CSPP1: variants seen among roughly 807,000 people sequenced by gnomAD.
CSPP1 encodes the protein centrosome and spindle pole-associated protein 1.
CSPP1 carries 126 observed loss-of-function variants against 164.4 expected under a neutral mutation model. That is an observed-to-expected ratio of 0.77 (90% CI 0.66 to 0.89). The LOEUF (loss-of-function observed/expected upper bound fraction) is 0.89. Ranked by LOEUF, CSPP1 falls within the 40% of genes least tolerant of loss-of-function variation. The pLI is 0.00. For synonymous variants in CSPP1, 472 were observed against 476.7 expected (o/e 0.99, Z 0.13); for missense variants, 1,395 against 1,449.8 (o/e 0.96, Z 0.61).
intron 3 of CSPP1, among the ~76,000 whole-genome samples, chr8:67,077,486 C>T (rs150588836): frequency 1.3e-5 from 2 of 152,218 alleles, no homozygotes; most frequent in South Asian, 4.1e-4. Context: ...CAGGCGCATG[C>T]CACCACACTC....
chr8:67,190,039 G>C (rs1835785620), intron 28 of CSPP1, among the ~76,000 whole-genome samples: 1 of 152,152 alleles, frequency 6.6e-6, no homozygotes, highest in African/African-American at 2.4e-5. Context: ...AAAATGCAGA[G>C]TAGAGTTAAC....
At chr8:67,161,203 T>G (rs1444754967) in intron 21 of CSPP1, among the ~76,000 whole-genome samples, 1 of 152,266 alleles carries the variant, frequency 6.6e-6, no homozygotes, top group Non-Finnish European at 1.5e-5. Flanking sequence ...GACTTTTTTG[T>G]GTTTTTCTTC....
At chr8:67,106,685 C>T (rs1468509727) in intron 9 of CSPP1, among the ~76,000 whole-genome samples, 1 of 152,042 alleles carries the variant, frequency 6.6e-6, no homozygotes, top group East Asian at 1.9e-4. Context: ...AGACTTGTTT[C>T]TGGTTTATAC....
intron 28 of CSPP1, among the ~76,000 whole-genome samples, chr8:67,190,306 G>C (rs182128625): frequency 5.3e-5 from 8 of 152,320 alleles, no homozygotes. Flanking sequence ...TTATTGCTAA[G>C]TGAAAAGACA....
In CSPP1 at chr8:67,112,065, G is replaced by C. The variant is rs760205035; in HGVS notation, c.1187G>C (p.Arg396Pro). Residue 396 changes from arginine (R) to proline (P), a missense_variant and splice_region_variant, in exon 10 of 31, where the codon CGA (arginine) becomes CCA (proline). Transcript: ENST00000678616. ...QMAEQQRNKR[R>P]EKDLELRVAA... ...GCTGAGCAACAGAGGAACAAGAGAC[G>C]GTAATGAAAGGTTTGCATTTAAAAG... 39 of 1,597,568 alleles carry C rather than the reference G, an allele frequency of 2.4e-5. No individual in the cohort carries two copies. Among genetic ancestry groups the C allele is most frequent in the Non-Finnish European group, 3.3e-5 (38 of 1,167,754 alleles).
chr8:67,193,693 G>A (rs1837063558), intron 30 of CSPP1, 91 bp downstream of exon 30: 1 of 1,162,918 alleles, frequency 8.6e-7, no homozygotes, highest in African/African-American at 1.5e-5. Context: ...CTGAGGGATA[G>A]ATGGAATGAG....
chr8:67,100,982 A>G (rs980423601), intron 7 of CSPP1, among the ~76,000 whole-genome samples: 1 of 152,148 alleles, frequency 6.6e-6, no homozygotes, highest in African/African-American at 2.4e-5. Flanking sequence ...ATAATTTATT[A>G]CAGCAAAATG....
At chr8:67,165,325 C>G (rs1829116183) in intron 24 of CSPP1, among the ~76,000 whole-genome samples, 1 of 152,096 alleles carries the variant, frequency 6.6e-6, no homozygotes, top group Non-Finnish European at 1.5e-5. Flanking sequence ...TTCTGTACAC[C>G]CTTCATCCAG....
At chr8:67,108,119 G>C (rs1258968173) in intron 9 of CSPP1, among the ~76,000 whole-genome samples, 3 of 151,492 alleles carry the variant, frequency 2.0e-5, no homozygotes, top group African/African-American at 7.3e-5. Context: ...GGTTGGGTGT[G>C]GTGGCTCACA....
chr8:67,093,253 G>A (rs1233989439), intron 5 of CSPP1, among the ~76,000 whole-genome samples: 12 of 152,160 alleles, frequency 7.9e-5, no homozygotes, highest in Admixed American at 7.9e-4. Context: ...TTTCATGAAC[G>A]AAGCAACTCC....
chr8:67,121,075 G>A (rs1209860994), intron 15 of CSPP1, among the ~76,000 whole-genome samples: 4 of 152,084 alleles, frequency 2.6e-5, no homozygotes, highest in African/African-American at 7.2e-5. Context: ...GGCTGGTCTC[G>A]AACTCCTGAC....
intron 4 of CSPP1, chr8:67,086,957 A>C: frequency 2.0e-6 from 1 of 497,078 alleles, no homozygotes. Context: ...CCAATTAGGA[A>C]AACGGGTTCA....
At chr8:67,091,752 A>G (rs189049585) in intron 4 of CSPP1, 51 bp from the exon 5 acceptor site, 15 of 589,906 alleles carry the variant, frequency 2.5e-5, no homozygotes, top group Middle Eastern at 3.3e-4. Context: ...TATGCAACAT[A>G]TTTTATAAAG....
intron 15 of CSPP1, among the ~76,000 whole-genome samples, chr8:67,121,618 G>A (rs1818991674): frequency 6.6e-6 from 1 of 152,094 alleles, no homozygotes; most frequent in Admixed American, 6.5e-5. Flanking sequence ...ATGTGATCTT[G>A]TTGTAGTTTC....
intron 18 of CSPP1, among the ~76,000 whole-genome samples, chr8:67,151,193 A>C (rs1314861787): frequency 6.6e-6 from 1 of 152,180 alleles, no homozygotes; most frequent in Admixed American, 6.5e-5. Flanking sequence ...TAATTATGAG[A>C]AAATGCTTTC....
chr8:67,153,956 C>T, intron 18 of CSPP1, 68 bp from the exon 19 acceptor site: 14 of 660,100 alleles, frequency 2.1e-5, no homozygotes, highest in South Asian at 9.7e-5. Context: ...GCAAACTGTT[C>T]ATTCTTTAAC....
chr8:67,194,070 C>T (rs1837188297), intron 30 of CSPP1, among the ~76,000 whole-genome samples: 1 of 151,878 alleles, frequency 6.6e-6, no homozygotes, highest in Non-Finnish European at 1.5e-5. Flanking sequence ...TAGTCGTCTC[C>T]TCATTATGAG....
rs1178829272 is a variant in CSPP1 at position 67,156,197 on chromosome 8, TGA to T, written c.2241+2067_2241+2068del. On this transcript the variant is annotated intron_variant, in intron 19 of 30. Transcript: ENST00000678616. ...TGTCTCATCAAACCTCAGATTTCTC[TGA>T]GAGAGGTTTTATTATCTCTGTTTAA... is the stretch of plus-strand genomic sequence containing the variant. 2.6e-5 allele frequency among the ~76,000 whole-genome samples: 4 copies of T among 152,276 alleles called. No individual in the cohort carries two copies. In the East Asian group the frequency reaches 5.8e-4, roughly 22 times the overall value.
At position 67,116,014 on chromosome 8, in the gene CSPP1, T is replaced by A; in HGVS notation, c.1388T>A (p.Leu463Ter). The A allele has an allele frequency of 6.2e-7, 1 of 1,614,062 alleles. No individual in the cohort carries two copies. The highest frequency in any genetic ancestry group is 1.1e-5 in the South Asian group (1 of 91,076). ...RIAFQTPLPP[L>*]SAPSVPPIPS... ...GCTTTCCAGACACCTCTCCCTCCTT[T>A]ATCTGCCCCATCTGTCCCACCCATC... Residue 463 changes from leucine (L) to a stop codon, truncating the protein, a stop_gained, in exon 13 of 31, where the codon TTA becomes TAA. Coordinates refer to ENST00000678616, the MANE Select transcript of CSPP1 (RefSeq NM_001382391.1). LOFTEE classifies it high-confidence loss of function.
Sources: allele counts gnomAD v4.1 joint callset (sites outside exome capture counted in the v4.1 genomes callset), GRCh38; gene constraint gnomAD v4.1.1; transcripts MANE v1.5; gene names NCBI Gene and HGNC (gene_info 2026-07-23, HGNC 2026-07-21).